Variants in TENM3 observed in about 807,000 individuals in gnomAD.
TENM3 encodes the protein teneurin transmembrane protein 3, also known as teneurin-3.
A neutral mutation model predicts 255.1 loss-of-function variants in TENM3; 63 were observed. The observed-to-expected ratio is 0.25, with a 90% CI of 0.20 to 0.30. The LOEUF is 0.30. Ranked by LOEUF, TENM3 falls within the 10% of genes least tolerant of loss-of-function variation. The pLI, the probability that TENM3 is intolerant of heterozygous loss-of-function variation, is 1.00. For missense variants in TENM3, 2,929 were observed against 3,461.1 expected, an observed-to-expected ratio of 0.85 and a Z score of 3.86; for synonymous variants, 1,306 against 1,322.3, an observed-to-expected ratio of 0.99 and a Z score of 0.27.
the TENM3 span, among the ~76,000 whole-genome samples, chr4:182,049,755 G>A: frequency 9.9e-5 from 15 of 152,158 alleles, no homozygotes; most frequent in Non-Finnish European, 1.5e-4. Context: ...CGGCATCGGC[G>A]ACAGCTTAAA....
At chr4:181,773,559 G>A in the TENM3 span, among the ~76,000 whole-genome samples, 2 of 152,152 alleles carry the variant, frequency 1.3e-5, no homozygotes, top group East Asian at 3.9e-4. Context: ...CAAGATTTTA[G>A]AATATTGAGA....
chr4:182,411,307 G>C (rs940452179), intron 3 of TENM3, among the ~76,000 whole-genome samples: 3 of 152,224 alleles, frequency 2.0e-5, no homozygotes, highest in Non-Finnish European at 4.4e-5. Context: ...ATTTCATGGA[G>C]AGTTTTTGAC....
At chr4:182,448,913 C>A in intron 3 of TENM3, 1 of 342,778 alleles carries the variant, frequency 2.9e-6, no homozygotes. Flanking sequence ...CGGCGCACCG[C>A]CCCCTCGGCG....
chr4:182,110,101 G>A, the TENM3 span, among the ~76,000 whole-genome samples: 4 of 123,610 alleles, frequency 3.2e-5, no homozygotes, highest in Admixed American at 1.8e-4. Context: ...GAGACAGAGC[G>A]AGACTCTGTC....
At chr4:182,111,169 G>A in the TENM3 span, among the ~76,000 whole-genome samples, 4 of 146,414 alleles carry the variant, frequency 2.7e-5, no homozygotes, top group East Asian at 2.0e-4. Context: ...GACTGTATCC[G>A]GATATACAAG....
At position 182,689,061 on chromosome 4, in the gene TENM3, TTAG is replaced by T. The variant is rs1307387364; in HGVS notation, c.2221+712_2221+714del. Among the ~76,000 whole-genome samples the T allele has an allele frequency of 2.0e-5, 3 of 152,244 alleles. No homozygotes were observed. In the East Asian group the frequency reaches 5.8e-4, roughly 29 times the overall value. On this transcript the variant is annotated intron_variant, in intron 12 of 27. Coordinates refer to ENST00000511685, the MANE Select transcript of TENM3 (RefSeq NM_001080477.4). Reference sequence around the variant, plus strand: ...CATATATATCATGTTTTCAAGATACTTAGTGTCTTTGCTTTTACCATTTGTCAC... The same window carrying T: ...CATATATATCATGTTTTCAAGATACTTGTCTTTGCTTTTACCATTTGTCAC...
chr4:182,381,009 T>G (rs143842959), intron 3 of TENM3, among the ~76,000 whole-genome samples: 79 of 152,348 alleles, frequency 5.2e-4, no homozygotes, highest in Middle Eastern at 3.4e-3. Flanking sequence ...ATTTCCTCTG[T>G]GCTAGCACAG....
At chr4:181,970,973 G>A in the TENM3 span, among the ~76,000 whole-genome samples, 2 of 152,096 alleles carry the variant, frequency 1.3e-5, no homozygotes, top group South Asian at 4.1e-4. Flanking sequence ...TCAGAGAAGG[G>A]GTCTCACTCT....
chr4:182,471,741 A>C, intron 3 of TENM3, among the ~76,000 whole-genome samples: 1 of 151,288 alleles, frequency 6.6e-6, no homozygotes, highest in South Asian at 2.1e-4. Flanking sequence ...TGTACTTAAG[A>C]AATAATCCGA....
At chr4:182,158,658 C>T (rs1391927963) in intron 1 of TENM3, among the ~76,000 whole-genome samples, 4 of 152,160 alleles carry the variant, frequency 2.6e-5, no homozygotes, top group African/African-American at 4.8e-5. Context: ...GGCAGTAGCA[C>T]TTAGGCCTAT....
chr4:182,709,886 A>C (rs949675431), intron 12 of TENM3, among the ~76,000 whole-genome samples: 1 of 152,276 alleles, frequency 6.6e-6, no homozygotes. Flanking sequence ...AAATATTTTA[A>C]GTATTATGTT....
the TENM3 span, among the ~76,000 whole-genome samples, chr4:181,674,643 G>A: frequency 1.3e-5 from 2 of 152,024 alleles, no homozygotes; most frequent in African/African-American, 4.8e-5. Context: ...TCTTGGAAAT[G>A]CAAATTTGGA....
chr4:182,244,607 T>C (rs1757526664), intron 1 of TENM3, among the ~76,000 whole-genome samples: 1 of 152,148 alleles, frequency 6.6e-6, no homozygotes, highest in Non-Finnish European at 1.5e-5. Flanking sequence ...AAGAGGAGAA[T>C]ATGAAGAGGA....
the TENM3 span, among the ~76,000 whole-genome samples, chr4:182,129,738 G>A: frequency 6.6e-6 from 1 of 152,076 alleles, no homozygotes; most frequent in African/African-American, 2.4e-5. Flanking sequence ...ATAGGTAAAA[G>A]TATGCATTAG....
chr4:182,548,920 C>T (rs866703322), intron 3 of TENM3: 8 of 152,272 alleles, frequency 5.3e-5, no homozygotes, highest in Middle Eastern at 3.4e-3. Flanking sequence ...GGCAACTAGA[C>T]TCTTATTTTT....
chr4:182,001,719 GTTCTT>G, the TENM3 span, among the ~76,000 whole-genome samples: 3 of 152,086 alleles, frequency 2.0e-5, no homozygotes, highest in East Asian at 5.8e-4. Context: ...AGTGCATTGA[GTTCTT>G]TTCAAGAATG....
the TENM3 span, among the ~76,000 whole-genome samples, chr4:182,073,902 G>A: frequency 6.6e-6 from 1 of 152,118 alleles, no homozygotes; most frequent in Admixed American, 6.5e-5. Flanking sequence ...TGGCACAAAA[G>A]CACCTCAAGA....
At chr4:182,701,659 A>G (rs571490441) in intron 12 of TENM3, among the ~76,000 whole-genome samples, 1 of 152,188 alleles carries the variant, frequency 6.6e-6, no homozygotes, top group African/African-American at 2.4e-5. Flanking sequence ...TGGTTATTTC[A>G]CTTACTCTAA....
chr4:182,743,311 C>T lies in TENM3; in HGVS notation c.3521C>T (p.Ala1174Val), dbSNP rs1761742857. The change falls in exon 19 of 28, where the codon GCC becomes GTC. Residue 1174 changes from alanine (A) to valine (V), a missense_variant. Ala to Val is a moderately conservative substitution (Grantham distance 64). Transcript: ENST00000511685. The part of the protein sequence containing the change: ...NGQADGNKLL[A>V]PVALACGIDG... ...CAAGCTGATGGTAACAAGTTACTGG[C>T]CCCAGTGGCGCTAGCTTGTGGGATC... is the stretch of plus-strand genomic sequence containing the variant. The T allele has an allele frequency of 6.2e-7, 1 of 1,613,998 alleles. No homozygotes were observed. The highest frequency in any genetic ancestry group is 2.2e-5 in the East Asian group (1 of 44,880).
Sources: gnomAD v4.1 joint callset for allele counts (sites outside exome capture counted in the v4.1 genomes callset) on GRCh38, gnomAD v4.1.1 for gene constraint, MANE v1.5 for transcripts, NCBI Gene and HGNC (gene_info 2026-07-23, HGNC 2026-07-21) for gene names.